Variants in NIPAL2 observed in about 807,000 individuals in gnomAD.
NIPAL2 encodes the protein NIPA-like protein 2.
In NIPAL2, 43 loss-of-function variants were observed where a neutral mutation model predicts 48.9. The observed-to-expected ratio is 0.88, with a 90% CI of 0.69 to 1.13. The LOEUF is 1.13. NIPAL2 is among the 50% of genes most tolerant of loss of function. NIPAL2 has a pLI of 0.00. For missense variants in NIPAL2, 446 were observed against 461.4 expected (o/e 0.97, Z 0.31); for synonymous variants, 167 against 174.6 (o/e 0.96, Z 0.34).
intron 5 of NIPAL2, among the ~76,000 whole-genome samples, chr8:98,215,370 A>AT (rs1011623657): frequency 8.5e-5 from 13 of 152,114 alleles, no homozygotes; most frequent in African/African-American, 2.4e-4. Flanking sequence ...TTCTAGCAAC[A>AT]TTTTTTTTCT....
In NIPAL2 at chr8:98,190,796, T is replaced by G. The variant is rs1004696967; in HGVS notation, c.*2182A>C. ...ACTCTGTGGGTCTTTACTGAAAACT[T>G]TGCCGACCCTTGGTCTAGACAGATA... On this transcript the variant is annotated 3_prime_UTR_variant, in exon 11 of 11. Transcript: ENST00000430223. The G allele has an allele frequency of 4.6e-5, 7 of 152,312 alleles. No homozygotes were observed. Among genetic ancestry groups the G allele is most frequent in the Non-Finnish European group, 1.0e-4 (7 of 68,024 alleles). 9.4% of individuals were successfully genotyped at this position (152,312 alleles called of 1,614,324 possible).
chr8:98,210,217 T>C (rs1811244070), intron 6 of NIPAL2, among the ~76,000 whole-genome samples: 1 of 152,116 alleles, frequency 6.6e-6, no homozygotes, highest in Non-Finnish European at 1.5e-5. Context: ...ATTTCTTGAG[T>C]TGAATGCTTA....
At chr8:98,251,024 G>T (rs1440349943) in intron 3 of NIPAL2, among the ~76,000 whole-genome samples, 1 of 151,936 alleles carries the variant, frequency 6.6e-6, no homozygotes, top group Non-Finnish European at 1.5e-5. Flanking sequence ...ACCACCTGAG[G>T]TAGCACCCTT....
At chr8:98,256,127 G>A (rs770891775) in intron 1 of NIPAL2, among the ~76,000 whole-genome samples, 2 of 152,004 alleles carry the variant, frequency 1.3e-5, no homozygotes, top group Admixed American at 6.5e-5. Context: ...AGGTTCAAGC[G>A]ATTCTCGTGC....
intron 4 of NIPAL2, among the ~76,000 whole-genome samples, chr8:98,223,439 T>C (rs778886420): frequency 3.2e-4 from 48 of 152,238 alleles, no homozygotes; most frequent in Non-Finnish European, 5.3e-4. Context: ...TAATTAGCAG[T>C]CTGACAAAAC....
intron 8 of NIPAL2, among the ~76,000 whole-genome samples, chr8:98,201,878 G>A (rs915811414): frequency 3.3e-5 from 5 of 151,866 alleles, no homozygotes; most frequent in African/African-American, 1.2e-4. Context: ...CAGTCACATT[G>A]TTTTCCATAA....
In NIPAL2 at chr8:98,257,627, GA is replaced by G. The variant is rs144574130; in HGVS notation, c.136-3541del. ...ATGGGGAAAATCAATGTTCTGTAGAGAATCTCCATCCTTTTCCAGGTCTTTT... is the reference window on the plus strand; with the variant it reads ...ATGGGGAAAATCAATGTTCTGTAGAGATCTCCATCCTTTTCCAGGTCTTTT... On this transcript the variant is annotated intron_variant, in intron 1 of 10. Transcript: ENST00000430223. 3.2e-3 allele frequency among the ~76,000 whole-genome samples: 488 copies of G among 152,208 alleles called. 1 individual carries two copies. Among genetic ancestry groups the G allele is most frequent in the African/African-American group, 0.011 (455 of 41,510 alleles).
chr8:98,265,333 A>T (rs1394499627), intron 1 of NIPAL2, among the ~76,000 whole-genome samples: 12 of 147,872 alleles, frequency 8.1e-5, no homozygotes, highest in Non-Finnish European at 1.5e-5. Flanking sequence ...CTACCATCAG[A>T]GTGAACAGGC....
At chr8:98,284,418 T>TCTCA (rs976665164) in intron 1 of NIPAL2, among the ~76,000 whole-genome samples, 10 of 146,354 alleles carry the variant, frequency 6.8e-5, no homozygotes, top group African/African-American at 2.0e-4. Context: ...TCTCTCTCTC[T>TCTCA]CACACACACA....
At chr8:98,193,278 G>T in intron 10 of NIPAL2, 188 bp from the exon 11 acceptor site, 1 of 1,280,566 alleles carries the variant, frequency 7.8e-7, no homozygotes, top group Non-Finnish European at 1.1e-6. Context: ...CTATGTGATA[G>T]CGAATTGTCT....
intron 1 of NIPAL2, among the ~76,000 whole-genome samples, chr8:98,258,135 A>C (rs1339116989): frequency 6.7e-6 from 1 of 150,112 alleles, no homozygotes; most frequent in Non-Finnish European, 1.5e-5. Context: ...AGCCAATCAC[A>C]AAAGAACAAA....
chr8:98,222,647 G>A, intron 4 of NIPAL2, 47 bp from the exon 5 acceptor site: 1 of 1,600,228 alleles, frequency 6.2e-7, no homozygotes, highest in East Asian at 2.2e-5. Flanking sequence ...CCAACCTAAA[G>A]CTTTTGTTGA....
At chr8:98,219,956 A>G (rs1563497058) in intron 5 of NIPAL2, among the ~76,000 whole-genome samples, 1 of 152,156 alleles carries the variant, frequency 6.6e-6, no homozygotes, top group Non-Finnish European at 1.5e-5. Context: ...AGGGCCAGCA[A>G]GAGTAGACTA....
At chr8:98,287,464 T>C (rs1005904863) in intron 1 of NIPAL2, among the ~76,000 whole-genome samples, 3 of 152,224 alleles carry the variant, frequency 2.0e-5, no homozygotes, top group African/African-American at 7.2e-5. Context: ...AGAGAAATAG[T>C]GGTTATGGTT....
At chr8:98,215,044 C>T (rs536919892) in intron 5 of NIPAL2, among the ~76,000 whole-genome samples, 1 of 152,322 alleles carries the variant, frequency 6.6e-6, no homozygotes, top group Admixed American at 6.5e-5. Context: ...ATAGACAATT[C>T]ACAGCAGCGT....
At chr8:98,264,704 C>T (rs1233469383) in intron 1 of NIPAL2, among the ~76,000 whole-genome samples, 4 of 151,204 alleles carry the variant, frequency 2.6e-5, no homozygotes, top group African/African-American at 7.3e-5. Context: ...GGCCATACTG[C>T]CCAAGGTAAT....
chr8:98,287,217 A>G (rs1441196414), intron 1 of NIPAL2, among the ~76,000 whole-genome samples: 1 of 152,218 alleles, frequency 6.6e-6, no homozygotes, highest in Non-Finnish European at 1.5e-5. Context: ...GTCAGGGTCT[A>G]TGAAATATGA....
intron 8 of NIPAL2, among the ~76,000 whole-genome samples, chr8:98,199,678 T>C (rs1179825948): frequency 1.3e-5 from 2 of 152,060 alleles, no homozygotes; most frequent in Non-Finnish European, 2.9e-5. Flanking sequence ...AATAACAAAC[T>C]TGAAATAATG....
Position 98,192,193 on chromosome 8 carries a change from A to T in NIPAL2, c.*785T>A, listed in dbSNP as rs1010837017. 5 of 152,230 alleles carry T rather than the reference A, an allele frequency of 3.3e-5. No individual in the cohort carries two copies. The highest frequency in any genetic ancestry group is 1.2e-4 in the African/African-American group (5 of 41,466). The allele number at this position is 152,230 out of a possible 1,614,324, so 9.4% of individuals were successfully genotyped here. A position where few individuals can be genotyped will look rare whatever the true frequency, so the allele number is the denominator to read the frequency against. On this transcript the variant is annotated 3_prime_UTR_variant, in exon 11 of 11. Transcript: ENST00000430223. The stretch of plus-strand genomic sequence containing the variant: ...GATTTTTATTAAAAAATAAACAAAC[A>T]TTAGTCCTACTTTTTGTCTCTAACG...
Sources: allele counts gnomAD v4.1 joint callset (sites outside exome capture counted in the v4.1 genomes callset), GRCh38; gene constraint gnomAD v4.1.1; transcripts MANE v1.5; gene names NCBI Gene and HGNC (gene_info 2026-07-23, HGNC 2026-07-21).